SPOUT1: variants seen among roughly 807,000 people sequenced by gnomAD.
SPOUT1 encodes the protein 28S rRNA (uridine-N(3))-methyltransferase.
Under a neutral mutation model 54.8 loss-of-function variants are expected in SPOUT1, and 40 were observed. That is an observed-to-expected ratio of 0.73 (90% CI 0.57 to 0.95). SPOUT1 has a LOEUF of 0.95. Ranked by LOEUF, SPOUT1 falls within the 40% of genes least tolerant of loss-of-function variation. The probability of loss-of-function intolerance (pLI) is 0.00; values close to 1 mark genes in which losing one functional copy is unlikely to be tolerated. For synonymous variants in SPOUT1, 193 were observed against 200.3 expected (o/e 0.96, Z 0.31); for missense variants, 437 against 499.5 (o/e 0.87, Z 1.19).
In SPOUT1 at chr9:128,828,803, T is replaced by C. The variant is rs1408474809; in HGVS notation, c.140A>G (p.Gln47Arg). 6.2e-7 allele frequency: 1 copy of C among 1,614,070 alleles called. No homozygotes were observed. The highest frequency in any genetic ancestry group is 1.3e-5 in the African/African-American group (1 of 74,952). The change falls in exon 3 of 12, where the codon CAG becomes CGG. Residue 47 changes from glutamine (Q) to arginine (R), a missense_variant. Transcript: ENST00000361256. The stretch of plus-strand genomic sequence containing the variant: ...CTTTGCCTGTTCCTCCTGTGCCCGC[T>C]GCCGCTCCAGTTTTTTCATCAGCTT... ...DLKLMKKLER[Q>R]RAQEEQAKRL... is the part of the protein sequence containing the mutation.
chr9:128,822,382 C>T lies in SPOUT1; in HGVS notation c.*383G>A, dbSNP rs781663498. On this transcript the variant is annotated 3_prime_UTR_variant, in exon 12 of 12. Transcript: ENST00000361256. Reference sequence around the variant, plus strand: ...AGTACCAGGTCATCGGCAAGAACCACGTGGCAGTGCCCACACACTTCTTCA... The same window carrying T: ...AGTACCAGGTCATCGGCAAGAACCATGTGGCAGTGCCCACACACTTCTTCA... 2.7e-5 allele frequency: 44 copies of T among 1,613,548 alleles called. No homozygotes were observed. Among genetic ancestry groups the T allele is most frequent in the Non-Finnish European group, 3.6e-5 (42 of 1,179,880 alleles).
Position 128,827,200 on chromosome 9 carries a change from G to A in SPOUT1, c.209-9C>T. 6.2e-7 allele frequency: 1 copy of A among 1,603,918 alleles called. No homozygotes were observed. Among genetic ancestry groups the A allele is most frequent in the South Asian group, 1.1e-5 (1 of 90,856 alleles). The stretch of plus-strand genomic sequence containing the variant: ...CAGTGTGTAGGGCCGCCCTGAGCAG[G>A]GGAGGGATGTTCCCAGCCAGTGTGA... On this transcript the variant is annotated splice_polypyrimidine_tract_variant and intron_variant, in intron 3 of 11. Coordinates refer to ENST00000361256, the MANE Select transcript of SPOUT1 (RefSeq NM_016390.4).
intron 1 of SPOUT1, among the ~76,000 whole-genome samples, chr9:128,829,544 G>A (rs1830310927): frequency 6.6e-6 from 1 of 152,226 alleles, no homozygotes; most frequent in Non-Finnish European, 1.5e-5. Flanking sequence ...GGGCCAGGGA[G>A]CCGCAGGGGG....
chr9:128,824,061 G>A lies in SPOUT1; in HGVS notation c.914+11C>T, dbSNP rs372326460. 4.7e-4 allele frequency: 749 copies of A among 1,609,832 alleles called. No homozygotes were observed. The highest frequency in any genetic ancestry group is 6.1e-4 in the Non-Finnish European group (722 of 1,176,772). ...CCTCCTGCCCTGGCCGCAGCCCCAG[G>A]AGGTACACACCTGAAGTTGGGAAGC... On this transcript the variant is annotated intron_variant, in intron 10 of 11. Coordinates refer to ENST00000361256, the MANE Select transcript of SPOUT1 (RefSeq NM_016390.4).
rs963009473 is a variant in SPOUT1 at position 128,827,047 on chromosome 9, T to A, written c.353A>T (p.Glu118Val). 2 of 1,613,868 alleles carry A rather than the reference T, an allele frequency of 1.2e-6. No individual in the cohort carries two copies. The highest frequency in any genetic ancestry group is 1.7e-5 in the Admixed American group (1 of 59,996). ...CVDEIVVFDE[E>V]GQDAKTVEGE... ...GGCCCCTTACTTGGCATCCTGGCCC[T>A]CCTCATCAAACACCACGATCTCATC... Residue 118 changes from glutamate to valine, a missense_variant, in exon 4 of 12, where the codon GAG (glutamate) becomes GTG (valine). Physicochemically the swap from Glu to Val is moderately radical, Grantham distance 121. Transcript: ENST00000361256.
In SPOUT1 at chr9:128,824,160, C is replaced by G; in HGVS notation, c.826G>C (p.Glu276Gln). 1 of 1,611,236 alleles carries G rather than the reference C, an allele frequency of 6.2e-7. No individual in the cohort carries two copies. Among genetic ancestry groups the G allele is most frequent in the Non-Finnish European group, 8.5e-7 (1 of 1,178,002 alleles). ...TCATACCCATCTTGGAAGGGGGCCT[C>G]AGCAAACACAGCACCTGGGGGTGGG... ...LASCLSAVFA[E>Q]APFQDGYDLT... Residue 276 changes from glutamate (E) to glutamine (Q), a missense_variant, in exon 10 of 12, where the codon GAG becomes CAG. Glu to Gln is a conservative substitution (Grantham distance 29). Transcript: ENST00000361256.
chr9:128,824,294 G>A, intron 9 of SPOUT1, 120 bp from the exon 10 acceptor site: 1 of 606,020 alleles, frequency 1.7e-6, no homozygotes, highest in Non-Finnish European at 3.0e-6. Context: ...GTGTGTGTGT[G>A]TGTGTGCGTG....
chr9:128,825,885 G>A lies in SPOUT1; in HGVS notation c.639+137C>T, dbSNP rs528340977. ...GGCTTTATCTATTGAGCCCCATTTT[G>A]CACAATTCTCTGGCCCAAATTTGCA... On this transcript the variant is annotated intron_variant, in intron 7 of 11. Coordinates refer to ENST00000361256, the MANE Select transcript of SPOUT1 (RefSeq NM_016390.4). 24 of 1,070,348 alleles carry A rather than the reference G, an allele frequency of 2.2e-5. No individual in the cohort carries two copies. In the African/African-American group the frequency reaches 2.8e-4, roughly 13 times the overall value. The allele number at this position is 1,070,348 out of a possible 1,614,324, so 66.3% of individuals were successfully genotyped here.
rs61737987 is a variant in SPOUT1 at position 128,822,453 on chromosome 9, C to A, written c.*312G>T. 1.3e-6 allele frequency: 2 copies of A among 1,584,242 alleles called. No individual in the cohort carries two copies. Among genetic ancestry groups the A allele is most frequent in the Non-Finnish European group, 1.7e-6 (2 of 1,164,910 alleles). On this transcript the variant is annotated 3_prime_UTR_variant, in exon 12 of 12. Transcript: ENST00000361256. ...GCAGGTGGGCAAATTGAGCTCCGCA[C>A]CTACGTGATGCCCAACGCACCTGTG...
At chr9:128,829,032 T>G in intron 2 of SPOUT1, 78 bp downstream of exon 2, 2 of 1,511,880 alleles carry the variant, frequency 1.3e-6, no homozygotes, top group Non-Finnish European at 1.8e-6. Flanking sequence ...GGGAACAAAG[T>G]TGGTGTCTTT....
chr9:128,825,106 G>A (rs1830213472), intron 7 of SPOUT1, 57 bp from the exon 8 acceptor site: 16 of 1,342,314 alleles, frequency 1.2e-5, no homozygotes, highest in South Asian at 3.8e-5. Context: ...CAGGGGCCAC[G>A]GCTCTTCCAG....
intron 9 of SPOUT1, 149 bp downstream of exon 9, chr9:128,824,622 C>T: frequency 3.1e-6 from 2 of 640,084 alleles, no homozygotes; most frequent in Non-Finnish European, 5.7e-6. Context: ...CCAGGGAGAA[C>T]AAGGCCCAGA....
Position 128,822,613 on chromosome 9 carries a change from G to A in SPOUT1, c.*152C>T, listed in dbSNP as rs1830147644. 6.4e-7 allele frequency: 1 copy of A among 1,565,878 alleles called. No individual in the cohort carries two copies. The highest frequency in any genetic ancestry group is 2.3e-5 in the East Asian group (1 of 42,856). ...CCATCACGGCGGGCAGTAAGTGAGG[G>A]TGGAGCCCAGTGAGACTGTGGGTGT... is the stretch of plus-strand genomic sequence containing the variant. On this transcript the variant is annotated 3_prime_UTR_variant, in exon 12 of 12. Transcript: ENST00000361256.
chr9:128,822,486 C>T lies in SPOUT1; in HGVS notation c.*279G>A, dbSNP rs1410142874. 1.9e-6 allele frequency: 3 copies of T among 1,566,358 alleles called. No homozygotes were observed. Among genetic ancestry groups the T allele is most frequent in the Non-Finnish European group, 2.6e-6 (3 of 1,155,120 alleles). ...ATGCCCAACGCACCTGTGGATGAGG[C>T]CATCCCACTGGAGCGCTTCCTGGTG... On this transcript the variant is annotated 3_prime_UTR_variant, in exon 12 of 12. Transcript: ENST00000361256.
At chr9:128,824,686 TGGTCTGATATTTGGGTCAGGCAA>T in intron 9 of SPOUT1, 62 bp downstream of exon 9, 1 of 921,966 alleles carries the variant, frequency 1.1e-6, no homozygotes, top group Admixed American at 2.0e-5. Flanking sequence ...ACAAAAACCC[TGGTCTGATATTTGGGTCAGGCAA>T]GGCTCCCGGC....
rs1163115549 is a variant in SPOUT1 at position 128,826,699 on chromosome 9, C to T, written c.369-70G>A. The T allele has an allele frequency of 1.9e-5, 21 of 1,111,026 alleles. No individual in the cohort carries two copies. The highest frequency in any genetic ancestry group is 1.1e-4 in the African/African-American group (7 of 62,466). The allele number at this position is 1,111,026 out of a possible 1,614,324, so 68.8% of individuals were successfully genotyped here. ...TCAAGAGCTCCTGTCTACAAGTGCA[C>T]GCGTATAATCCCAGCTACTCAGGAG... On this transcript the variant is annotated intron_variant, in intron 4 of 11. Coordinates refer to ENST00000361256, the MANE Select transcript of SPOUT1 (RefSeq NM_016390.4). The surrounding 1 kb of genome is among the most constrained non-coding windows in gnomAD (Gnocchi z 5.5).
rs1427983704 is a variant in SPOUT1 at position 128,829,173 on chromosome 9, G to A, written c.37-18C>T. On this transcript the variant is annotated intron_variant, in intron 1 of 11. Transcript: ENST00000361256. ...TGTTCACCCTGGAGAAGGAGTGGTA[G>A]GAGGATTATGAGTGTGAGGCTGATG... 6.2e-7 allele frequency: 1 copy of A among 1,611,324 alleles called. No homozygotes were observed. Among genetic ancestry groups the A allele is most frequent in the Non-Finnish European group, 8.5e-7 (1 of 1,177,432 alleles).
rs1385568234 is a variant in SPOUT1 at position 128,826,603 on chromosome 9, A to G, written c.395T>C (p.Val132Ala). ...AKTVEGEFTG[V>A]GKKGQACVQL... ...TACGCACGCCTGCCCCTTCTTCCCA[A>G]CTCCTGTGAATTCCCCCTCCACAGT... Residue 132 changes from valine (V) to alanine (A), a missense_variant, in exon 5 of 12, where the codon GTT (valine) becomes GCT (alanine). Val to Ala is a moderately conservative substitution (Grantham distance 64). Transcript: ENST00000361256. This position sits in a 1 kb window ranked among gnomAD's most constrained non-coding sequence, Gnocchi z 5.5. 13 of 1,594,870 alleles carry G rather than the reference A, an allele frequency of 8.2e-6. No homozygotes were observed. The highest frequency in any genetic ancestry group is 1.0e-5 in the Non-Finnish European group (12 of 1,169,982).
At position 128,822,449 on chromosome 9, in the gene SPOUT1, C is replaced by G. The variant is rs752642388; in HGVS notation, c.*316G>C. On this transcript the variant is annotated 3_prime_UTR_variant, in exon 12 of 12. Coordinates refer to ENST00000361256, the MANE Select transcript of SPOUT1 (RefSeq NM_016390.4). ...GGCAGCAGGTGGGCAAATTGAGCTC[C>G]GCACCTACGTGATGCCCAACGCACC... is the stretch of plus-strand genomic sequence containing the variant. 1.9e-6 allele frequency: 3 copies of G among 1,587,588 alleles called. No individual in the cohort carries two copies. In the South Asian group the frequency reaches 3.4e-5, roughly 18 times the overall value.
Sources: gnomAD v4.1 joint callset for allele counts (sites outside exome capture counted in the v4.1 genomes callset) on GRCh38, gnomAD v4.1.1 for gene constraint, Gnocchi (gnomAD v3.1) non-coding constraint, MANE v1.5 for transcripts, NCBI Gene and HGNC (gene_info 2026-07-23, HGNC 2026-07-21) for gene names.